PCSK2: variants seen among roughly 807,000 people sequenced by gnomAD.
PCSK2 encodes the protein proprotein convertase subtilisin/kexin type 2, also known as neuroendocrine convertase 2.
In PCSK2, 14 loss-of-function variants were observed where a neutral mutation model predicts 69.7. The observed-to-expected ratio is 0.20, with a 90% CI of 0.13 to 0.31. PCSK2 has a LOEUF of 0.31. Among genes scored for constraint, PCSK2 ranks in the 10% least tolerant of loss-of-function variants. PCSK2 has a pLI of 1.00. For synonymous variants in PCSK2, 307 were observed against 320.7 expected, an observed-to-expected ratio of 0.96 and a Z score of 0.46; for missense variants, 544 against 842.5, an observed-to-expected ratio of 0.65 and a Z score of 4.39.
intron 2 of PCSK2, among the ~76,000 whole-genome samples, chr20:17,268,064 A>ATATATATATATATATATATATAG (rs1987702749): frequency 1.2e-5 from 1 of 86,118 alleles, no homozygotes; most frequent in Admixed American, 1.1e-4. Flanking sequence ...TATATATATA[A>ATATATATATATATATATATATAG]TGCATTTATA....
At chr20:17,269,161 G>A (rs138243928) in intron 2 of PCSK2, among the ~76,000 whole-genome samples, 12 of 152,258 alleles carry the variant, frequency 7.9e-5, no homozygotes, top group African/African-American at 2.4e-4. Flanking sequence ...ATGAACAGAT[G>A]GACTTAAGGA....
chr20:17,343,561 C>G (rs2123176955), intron 2 of PCSK2, among the ~76,000 whole-genome samples: 1 of 152,350 alleles, frequency 6.6e-6, no homozygotes, highest in Non-Finnish European at 1.5e-5. Flanking sequence ...TGCCCACATT[C>G]TAAGCCCTAG....
chr20:17,414,833 C>T (rs996498642), intron 6 of PCSK2, among the ~76,000 whole-genome samples: 17 of 152,142 alleles, frequency 1.1e-4, no homozygotes, highest in Admixed American at 4.6e-4. Flanking sequence ...AAAGCTTATC[C>T]GCCACGATCA....
At chr20:17,460,444 A>G (rs900508276) in intron 10 of PCSK2, among the ~76,000 whole-genome samples, 2 of 152,308 alleles carry the variant, frequency 1.3e-5, no homozygotes, top group East Asian at 3.9e-4. Flanking sequence ...AGCTGAATGC[A>G]TTGCTGTTCT....
intron 2 of PCSK2, among the ~76,000 whole-genome samples, chr20:17,353,016 A>T (rs2030045658): frequency 6.6e-6 from 1 of 152,240 alleles, no homozygotes; most frequent in Non-Finnish European, 1.5e-5. Context: ...CCTATTTTAA[A>T]ATGGGCAAAG....
At chr20:17,319,522 A>C (rs1046092078) in intron 2 of PCSK2, among the ~76,000 whole-genome samples, 5 of 152,202 alleles carry the variant, frequency 3.3e-5, no homozygotes, top group Non-Finnish European at 7.3e-5. Flanking sequence ...CTGGTGGTCA[A>C]CAGTGTTCCA....
intron 9 of PCSK2, among the ~76,000 whole-genome samples, 192 bp downstream of exon 9, chr20:17,454,149 G>A (rs1225028476): frequency 6.6e-6 from 1 of 152,210 alleles, no homozygotes; most frequent in East Asian, 1.9e-4. Flanking sequence ...CCATCTGCGA[G>A]CTAGTAGCAT....
At chr20:17,448,390 T>C (rs1394728620) in intron 8 of PCSK2, among the ~76,000 whole-genome samples, 1 of 152,216 alleles carries the variant, frequency 6.6e-6, no homozygotes, top group Non-Finnish European at 1.5e-5. Context: ...AGCTGGAATG[T>C]CACCTTAGCT....
At chr20:17,320,387 G>A (rs1221154743) in intron 2 of PCSK2, among the ~76,000 whole-genome samples, 1 of 152,208 alleles carries the variant, frequency 6.6e-6, no homozygotes, top group East Asian at 1.9e-4. Context: ...CATAACTGCA[G>A]TTATCCACTG....
At chr20:17,330,537 A>T (rs2123150306) in intron 2 of PCSK2, among the ~76,000 whole-genome samples, 1 of 152,230 alleles carries the variant, frequency 6.6e-6, no homozygotes, top group Non-Finnish European at 1.5e-5. Context: ...GATGTTGCAG[A>T]ATCAGGGAGG....
intron 2 of PCSK2, among the ~76,000 whole-genome samples, chr20:17,268,031 GTGTATATATATATATATA>G (rs1450915848): frequency 2.5e-5 from 3 of 117,896 alleles, no homozygotes; most frequent in African/African-American, 8.8e-5. Flanking sequence ...TATATCCAAT[GTGTATATATATATATATA>G]TATATATATA....
chr20:17,331,769 A>T (rs1990213598), intron 2 of PCSK2, among the ~76,000 whole-genome samples: 1 of 108,014 alleles, frequency 9.3e-6, no homozygotes, highest in Admixed American at 9.3e-5. Flanking sequence ...CGTGTGATTA[A>T]AAAAAAAAAA....
At chr20:17,383,076 T>C (rs2031133569) in intron 5 of PCSK2, among the ~76,000 whole-genome samples, 1 of 152,212 alleles carries the variant, frequency 6.6e-6, no homozygotes, top group Non-Finnish European at 1.5e-5. Context: ...CCTGTCTTGT[T>C]CACCTCTTTA....
intron 1 of PCSK2, among the ~76,000 whole-genome samples, chr20:17,248,681 G>A (rs1380986964): frequency 1.3e-5 from 2 of 152,114 alleles, no homozygotes; most frequent in Admixed American, 6.5e-5. Context: ...AGCTTTATGA[G>A]ACCAATTAGC....
chr20:17,245,123 C>T (rs1435869909), intron 1 of PCSK2, among the ~76,000 whole-genome samples: 1 of 152,152 alleles, frequency 6.6e-6, no homozygotes, highest in East Asian at 1.9e-4. Context: ...CGAAGAAGAG[C>T]TCAGATGATT....
At chr20:17,458,122 G>A (rs762336095) in intron 10 of PCSK2, among the ~76,000 whole-genome samples, 11 of 152,138 alleles carry the variant, frequency 7.2e-5, no homozygotes, top group Non-Finnish European at 1.5e-4. Context: ...CTGGCATAAA[G>A]AGGAAAAAAA....
intron 2 of PCSK2, among the ~76,000 whole-genome samples, chr20:17,286,464 TG>T (rs1020728968): frequency 1.5e-4 from 23 of 152,184 alleles, no homozygotes; most frequent in African/African-American, 4.1e-4. Context: ...ATCGTTTTTT[TG>T]TTTTTTTTAG....
At chr20:17,440,120 C>A (rs750467021) in intron 8 of PCSK2, among the ~76,000 whole-genome samples, 1 of 152,230 alleles carries the variant, frequency 6.6e-6, no homozygotes, top group African/African-American at 2.4e-5. Context: ...AGTCCTGCCC[C>A]CCATTGGCTG....
intron 2 of PCSK2, among the ~76,000 whole-genome samples, chr20:17,347,539 C>A (rs1431543775): frequency 6.6e-6 from 1 of 152,066 alleles, no homozygotes; most frequent in Admixed American, 6.6e-5. Flanking sequence ...AGATAACACA[C>A]CGCATTGCAA....
Sources: allele counts gnomAD v4.1 joint callset (sites outside exome capture counted in the v4.1 genomes callset), GRCh38; gene constraint gnomAD v4.1.1; transcripts MANE v1.5; gene names NCBI Gene and HGNC (gene_info 2026-07-23, HGNC 2026-07-21).